RABGAP1L: variants seen among roughly 807,000 people sequenced by gnomAD.
RABGAP1L encodes the protein rab GTPase-activating protein 1-like.
RABGAP1L carries 63 observed loss-of-function variants against 137.7 expected under a neutral mutation model. The observed-to-expected ratio is 0.46, with a 90% confidence interval of 0.37 to 0.56. The LOEUF is 0.56. Ranked by LOEUF, RABGAP1L falls within the 20% of genes least tolerant of loss-of-function variation. The probability of loss-of-function intolerance (pLI) is 0.00; values close to 1 mark genes in which losing one functional copy is unlikely to be tolerated. For missense variants in RABGAP1L, 1,095 were observed against 1,244.0 expected, an observed-to-expected ratio of 0.88 and a Z score of 1.80; for synonymous variants, 431 against 433.7, an observed-to-expected ratio of 0.99 and a Z score of 0.08.
At chr1:174,857,151 C>T (rs962823507) in intron 19 of RABGAP1L, among the ~76,000 whole-genome samples, 4 of 152,168 alleles carry the variant, frequency 2.6e-5, no homozygotes, top group African/African-American at 9.7e-5. Flanking sequence ...TTTTACAGGT[C>T]TACACTAGAA....
At chr1:174,428,965 A>C (rs1192681144) in intron 13 of RABGAP1L, among the ~76,000 whole-genome samples, 1 of 143,430 alleles carries the variant, frequency 7.0e-6, no homozygotes, top group Non-Finnish European at 1.5e-5. Flanking sequence ...TGATACTGAG[A>C]GCTACAACAC....
chr1:174,859,567 A>G (rs1649908124), intron 19 of RABGAP1L, among the ~76,000 whole-genome samples: 1 of 152,116 alleles, frequency 6.6e-6, no homozygotes, highest in Non-Finnish European at 1.5e-5. Flanking sequence ...TTGCAGGGAC[A>G]TGGATGGAGC....
chr1:174,559,607 TA>T (rs1363791401), intron 13 of RABGAP1L, among the ~76,000 whole-genome samples: 1 of 152,152 alleles, frequency 6.6e-6, no homozygotes, highest in Non-Finnish European at 1.5e-5. Context: ...AGATTGAAAA[TA>T]AGACTAGAGA....
At chr1:174,257,062 A>G (rs993060414) in intron 7 of RABGAP1L, among the ~76,000 whole-genome samples, 6 of 152,112 alleles carry the variant, frequency 3.9e-5, no homozygotes, top group African/African-American at 1.2e-4. Flanking sequence ...CCAGTACTAT[A>G]TAATTGACTG....
intron 19 of RABGAP1L, among the ~76,000 whole-genome samples, chr1:174,837,677 C>T (rs1692909758): frequency 6.6e-6 from 1 of 152,156 alleles, no homozygotes; most frequent in African/African-American, 2.4e-5. Flanking sequence ...CTGAAGTTTA[C>T]AGCTGTGTCC....
chr1:174,732,018 T>C (rs999474028), intron 17 of RABGAP1L, among the ~76,000 whole-genome samples: 1 of 152,168 alleles, frequency 6.6e-6, no homozygotes, highest in South Asian at 2.1e-4. Flanking sequence ...CTGGCCAACA[T>C]GGTGAAACCC....
chr1:174,469,294 A>G (rs1396313046), intron 13 of RABGAP1L, among the ~76,000 whole-genome samples: 3 of 152,158 alleles, frequency 2.0e-5, no homozygotes, highest in Non-Finnish European at 2.9e-5. Flanking sequence ...AAAGTTTCAT[A>G]TTATTGTCTG....
In RABGAP1L at chr1:174,191,883, G is replaced by T. The variant is rs1667235194; in HGVS notation, c.-33-27242G>T. On this transcript the variant is annotated intron_variant, in intron 1 of 25. Coordinates refer to ENST00000681986, the MANE Select transcript of RABGAP1L (RefSeq NM_001366446.1). ...ATTTAGCTTATCAGAGTAAGCAAAG[G>T]TCTAGAAATACATCTACATTAATCA... Among the ~76,000 whole-genome samples, 3 of 152,290 alleles carry T rather than the reference G, an allele frequency of 2.0e-5. 1 individual carries two copies. In the South Asian group the frequency reaches 6.2e-4, roughly 32 times the overall value.
intron 13 of RABGAP1L, among the ~76,000 whole-genome samples, chr1:174,577,057 C>T (rs2148070780): frequency 6.6e-6 from 1 of 152,054 alleles, no homozygotes; most frequent in East Asian, 1.9e-4. Context: ...GTGGCATGCA[C>T]CTATAGTCCT....
intron 10 of RABGAP1L, among the ~76,000 whole-genome samples, chr1:174,290,844 C>G (rs1304622703): frequency 2.6e-5 from 4 of 151,750 alleles, no homozygotes; most frequent in African/African-American, 9.7e-5. Flanking sequence ...TCACTGCAGC[C>G]TCTGCCTCCT....
chr1:174,463,230 C>T (rs553171168), intron 13 of RABGAP1L, among the ~76,000 whole-genome samples: 325 of 152,192 alleles, frequency 2.1e-3, no homozygotes, highest in Non-Finnish European at 3.2e-3. Flanking sequence ...TATTGCGGCA[C>T]TATTCACAAT....
intron 13 of RABGAP1L, chr1:174,548,318 T>G (rs1389349059): frequency 1.4e-5 from 17 of 1,213,930 alleles, no homozygotes; most frequent in Non-Finnish European, 1.8e-5. Flanking sequence ...TATCCATTTG[T>G]AAAATGATAG....
At chr1:174,701,435 C>A (rs895322300) in intron 16 of RABGAP1L, among the ~76,000 whole-genome samples, 1 of 152,102 alleles carries the variant, frequency 6.6e-6, no homozygotes, top group Admixed American at 6.6e-5. Context: ...CATTTCTTTT[C>A]TAGCTAGTTA....
intron 12 of RABGAP1L, among the ~76,000 whole-genome samples, chr1:174,379,395 G>A (rs1436706745): frequency 2.7e-5 from 4 of 148,236 alleles, no homozygotes; most frequent in African/African-American, 1.0e-4. Context: ...CCATTTTCAC[G>A]ATATTGATTC....
chr1:174,495,508 C>T (rs1660659935), intron 13 of RABGAP1L, among the ~76,000 whole-genome samples: 1 of 152,126 alleles, frequency 6.6e-6, no homozygotes, highest in South Asian at 2.1e-4. Context: ...TAAAATACTT[C>T]TTCAGGAACA....
rs61468070 is a variant in RABGAP1L at position 174,274,606 on chromosome 1, C to CTGTGTGTGTGTGTGTGTGTG, written c.1054-1213_1054-1194dup. Among the ~76,000 whole-genome samples the CTGTGTGTGTGTGTGTGTGTG allele has an allele frequency of 1.3e-3, 197 of 146,158 alleles. 2 individuals carry two copies. Among genetic ancestry groups the CTGTGTGTGTGTGTGTGTGTG allele is most frequent in the African/African-American group, 4.8e-3 (188 of 39,174 alleles). ...CCCTATCATTAAGCAACAGGTGACT[C>CTGTGTGTGTGTGTGTGTGTG]TGTGTGTGTGTGTGTGTGTGTGTGT... On this transcript the variant is annotated intron_variant, in intron 8 of 25. Coordinates refer to ENST00000681986, the MANE Select transcript of RABGAP1L (RefSeq NM_001366446.1).
intron 19 of RABGAP1L, among the ~76,000 whole-genome samples, chr1:174,891,528 G>A (rs188285352): frequency 6.6e-6 from 1 of 152,138 alleles, no homozygotes; most frequent in Admixed American, 6.5e-5. Flanking sequence ...TTGGAGACAG[G>A]GTCTTACTCT....
At chr1:174,830,587 C>T (rs189482530) in intron 19 of RABGAP1L, among the ~76,000 whole-genome samples, 1 of 147,354 alleles carries the variant, frequency 6.8e-6, no homozygotes, top group Admixed American at 6.8e-5. Flanking sequence ...AGCGATTCTC[C>T]TTCCTTAGCC....
At chr1:174,521,905 C>T (rs567198313) in intron 13 of RABGAP1L, among the ~76,000 whole-genome samples, 1 of 152,120 alleles carries the variant, frequency 6.6e-6, no homozygotes, top group East Asian at 1.9e-4. Context: ...ATAGTGAAAC[C>T]CCATCTCTAC....
Sources: gnomAD v4.1 joint callset for allele counts (sites outside exome capture counted in the v4.1 genomes callset) on GRCh38, gnomAD v4.1.1 for gene constraint, MANE v1.5 for transcripts, NCBI Gene and HGNC (gene_info 2026-07-23, HGNC 2026-07-21) for gene names.